KIAA1328: variants seen among roughly 807,000 people sequenced by gnomAD.
KIAA1328 encodes the protein protein hinderin.
KIAA1328 carries 52 observed loss-of-function variants against 68.1 expected under a neutral mutation model. The ratio of observed to expected loss-of-function variants is 0.76; its 90% CI spans 0.61 to 0.96. The LOEUF (loss-of-function observed/expected upper bound fraction) is 0.96. KIAA1328 is among the 40% of genes least tolerant of loss of function. KIAA1328 has a pLI of 0.00. For synonymous variants in KIAA1328, 232 were observed against 239.4 expected (o/e 0.97, Z 0.28); for missense variants, 641 against 677.6 (o/e 0.95, Z 0.60).
chr18:36,893,454 TGTGTGTG>T (rs1182099066), intron 5 of KIAA1328, among the ~76,000 whole-genome samples: 15 of 140,074 alleles, frequency 1.1e-4, no homozygotes, highest in African/African-American at 3.7e-4. Flanking sequence ...TGTGTGTGTG[TGTGTGTG>T]TTTTTGTGTG....
intron 8 of KIAA1328, among the ~76,000 whole-genome samples, chr18:37,168,431 T>C (rs2059432810): frequency 6.6e-6 from 1 of 152,190 alleles, no homozygotes; most frequent in South Asian, 2.1e-4. Context: ...AGCAGCATTC[T>C]TCATAATAGC....
chr18:37,154,557 C>T (rs1049418414), intron 7 of KIAA1328, among the ~76,000 whole-genome samples: 7 of 152,278 alleles, frequency 4.6e-5, no homozygotes, highest in Non-Finnish European at 7.3e-5. Context: ...CCCCATAACT[C>T]CTACCATCAT....
intron 5 of KIAA1328, among the ~76,000 whole-genome samples, chr18:36,909,521 A>C (rs1315986737): frequency 3.9e-5 from 6 of 152,022 alleles, no homozygotes; most frequent in African/African-American, 1.4e-4. Flanking sequence ...CATTTTCTTA[A>C]TCCAGTCTAT....
Position 37,224,849 on chromosome 18 carries a change from A to AAAACCAATC in KIAA1328, c.*2625_*2633dup. 1.0e-6 allele frequency: 1 copy of AAAACCAATC among 985,488 alleles called. No individual in the cohort carries two copies. Among genetic ancestry groups the AAAACCAATC allele is most frequent in the Non-Finnish European group, 1.2e-6 (1 of 829,972 alleles). The allele number at this position is 985,488 out of a possible 1,614,324, so 61.0% of individuals were successfully genotyped here. On this transcript the variant is annotated 3_prime_UTR_variant, in exon 10 of 10. Coordinates refer to ENST00000280020, the MANE Select transcript of KIAA1328 (RefSeq NM_020776.3). ...CCTGCTGCCCAACTCCTGTGAGAGAAAAACCAATCAATGTTTACAAAATGG... is the reference window on the plus strand; with the variant it reads ...CCTGCTGCCCAACTCCTGTGAGAGAAAAACCAATCAAACCAATCAATGTTTACAAAATGG...
intron 7 of KIAA1328, among the ~76,000 whole-genome samples, chr18:37,132,716 A>G (rs959685052): frequency 6.6e-6 from 1 of 152,208 alleles, no homozygotes; most frequent in East Asian, 1.9e-4. Context: ...TCAAACTGCT[A>G]TTATCAGTGG....
intron 7 of KIAA1328, among the ~76,000 whole-genome samples, chr18:37,089,371 C>CTTT (rs3085910): frequency 2.3e-4 from 22 of 95,288 alleles, no homozygotes; most frequent in East Asian, 5.7e-4. Flanking sequence ...AAGGTAGTGG[C>CTTT]TTTTTTTTTT....
intron 9 of KIAA1328, among the ~76,000 whole-genome samples, chr18:37,203,725 G>A (rs2060158775): frequency 6.6e-6 from 1 of 152,182 alleles, no homozygotes; most frequent in South Asian, 2.1e-4. Context: ...TACTGGTTTG[G>A]CTTTGCCCTG....
chr18:36,856,546 G>A (rs2047389157), intron 4 of KIAA1328, among the ~76,000 whole-genome samples: 1 of 149,812 alleles, frequency 6.7e-6, no homozygotes, highest in African/African-American at 2.5e-5. Flanking sequence ...TCTCTTTATT[G>A]ATATTCTCTA....
chr18:37,039,757 T>C (rs2055172383), intron 6 of KIAA1328, among the ~76,000 whole-genome samples: 2 of 152,154 alleles, frequency 1.3e-5, no homozygotes, highest in Non-Finnish European at 2.9e-5. Context: ...TAGCAGCTTT[T>C]TCATTATATT....
chr18:36,991,944 C>T (rs1320192489), intron 6 of KIAA1328, among the ~76,000 whole-genome samples: 1 of 152,088 alleles, frequency 6.6e-6, no homozygotes, highest in African/African-American at 2.4e-5. Flanking sequence ...TGTAGTTGTT[C>T]GGGGGCCACC....
intron 4 of KIAA1328, among the ~76,000 whole-genome samples, chr18:36,864,151 G>A (rs557505733): frequency 3.9e-5 from 6 of 152,138 alleles, no homozygotes; most frequent in Non-Finnish European, 7.4e-5. Context: ...TTTTTATTAT[G>A]ATTGCATGCT....
At chr18:37,184,401 A>G (rs1005974282) in intron 9 of KIAA1328, among the ~76,000 whole-genome samples, 1 of 152,220 alleles carries the variant, frequency 6.6e-6, no homozygotes, top group Admixed American at 6.5e-5. Flanking sequence ...TGCATAGACA[A>G]TGTCGGTATC....
rs543779506 is a variant in KIAA1328 at position 37,217,707 on chromosome 18, G to A, written c.1524-4310G>A. On this transcript the variant is annotated intron_variant, in intron 9 of 9. Transcript: ENST00000280020. ...TTCTCTGTATTTCCTGAATTTGAAT[G>A]TTGGCCTGCCTTGCTAGATTGGGGA... Among the ~76,000 whole-genome samples the A allele has an allele frequency of 1.2e-3, 189 of 152,274 alleles. 3 individuals are homozygous for A. Among genetic ancestry groups the A allele is most frequent in the African/African-American group, 4.4e-3 (183 of 41,552 alleles).
chr18:36,829,311 G>A (rs1600880355), intron 1 of KIAA1328, 115 bp downstream of exon 1: 1 of 1,408,002 alleles, frequency 7.1e-7, no homozygotes, highest in East Asian at 2.9e-5. Context: ...CCCCGGGGAT[G>A]GGGACGTGCT....
At chr18:37,010,441 TAAAAAAAA>T (rs59927777) in intron 6 of KIAA1328, among the ~76,000 whole-genome samples, 5 of 90,306 alleles carry the variant, frequency 5.5e-5, no homozygotes, top group Non-Finnish European at 7.9e-5. Flanking sequence ...AGACACCATC[TAAAAAAAA>T]AAAAAAAAAA....
chr18:36,854,873 A>G (rs1353090771), intron 4 of KIAA1328, among the ~76,000 whole-genome samples: 1 of 151,982 alleles, frequency 6.6e-6, no homozygotes, highest in Admixed American at 6.6e-5. Context: ...GTTTCTGTTG[A>G]TTACCTATTC....
At chr18:37,172,213 A>G (rs748988965) in intron 8 of KIAA1328, among the ~76,000 whole-genome samples, 1 of 152,232 alleles carries the variant, frequency 6.6e-6, no homozygotes, top group Non-Finnish European at 1.5e-5. Flanking sequence ...AACAGTTTTC[A>G]GAGAACCAGA....
intron 6 of KIAA1328, among the ~76,000 whole-genome samples, chr18:37,016,410 T>C (rs981855777): frequency 6.6e-6 from 1 of 152,150 alleles, no homozygotes; most frequent in African/African-American, 2.4e-5. Context: ...TCTGTCTTCA[T>C]CAGAGACATT....
chr18:36,987,394 G>A (rs1220661699), intron 6 of KIAA1328, among the ~76,000 whole-genome samples: 1 of 147,320 alleles, frequency 6.8e-6, no homozygotes, highest in African/African-American at 2.5e-5. Flanking sequence ...TAGATGACAC[G>A]TTAGTGGGTG....
Sources: allele counts gnomAD v4.1 joint callset (sites outside exome capture counted in the v4.1 genomes callset), GRCh38; gene constraint gnomAD v4.1.1; transcripts MANE v1.5; gene names NCBI Gene and HGNC (gene_info 2026-07-23, HGNC 2026-07-21).